Variants in PPM1L observed in about 807,000 individuals in gnomAD.
PPM1L encodes protein phosphatase, Mg2+/Mn2+ dependent 1L.
Under a neutral mutation model 31.4 loss-of-function variants are expected in PPM1L, and 13 were observed. The ratio of observed to expected loss-of-function variants is 0.41; its 90% CI spans 0.27 to 0.66. The LOEUF (loss-of-function observed/expected upper bound fraction) is 0.66, where lower values mean the gene tolerates loss of function less well. Among genes scored for constraint, PPM1L ranks in the 30% least tolerant of loss-of-function variants. The pLI, the probability that PPM1L is intolerant of heterozygous loss-of-function variation, is 0.29. For synonymous variants in PPM1L, 184 were observed against 175.4 expected (o/e 1.05, Z -0.39); for missense variants, 326 against 453.7 (o/e 0.72, Z 2.56).
intron 1 of PPM1L, among the ~76,000 whole-genome samples, chr3:160,898,378 G>A (rs1203728258): frequency 6.6e-6 from 1 of 152,180 alleles, no homozygotes. Flanking sequence ...CAGGTGGGGA[G>A]ACTCTCAGCG....
chr3:160,850,645 ACAT>A (rs1311571503), intron 1 of PPM1L, among the ~76,000 whole-genome samples: 1 of 152,110 alleles, frequency 6.6e-6, no homozygotes, highest in Non-Finnish European at 1.5e-5. Context: ...ACAAAAAGAA[ACAT>A]CATTTTGGAG....
chr3:160,982,544 A>G (rs1716834334), intron 2 of PPM1L, among the ~76,000 whole-genome samples: 1 of 152,206 alleles, frequency 6.6e-6, no homozygotes, highest in African/African-American at 2.4e-5. Flanking sequence ...TAATTTTTTA[A>G]ATGGATGAGT....
At chr3:160,977,211 G>A (rs1402696498) in intron 2 of PPM1L, among the ~76,000 whole-genome samples, 1 of 152,138 alleles carries the variant, frequency 6.6e-6, no homozygotes, top group Non-Finnish European at 1.5e-5. Flanking sequence ...GTGTGGCTTA[G>A]GCCATTTCTG....
At chr3:160,842,230 T>C (rs1174406489) in intron 1 of PPM1L, 1 of 701,682 alleles carries the variant, frequency 1.4e-6, no homozygotes, top group Middle Eastern at 2.4e-4. Context: ...TGGAAGAGGG[T>C]AGGAGGGATG....
At position 161,078,784 on chromosome 3, in the gene PPM1L, T is replaced by C. The variant is rs1446350649; in HGVS notation, c.*9627T>C. The C allele has an allele frequency of 6.6e-6, 1 of 152,216 alleles. No individual in the cohort carries two copies. Among genetic ancestry groups the C allele is most frequent in the African/African-American group, 2.4e-5 (1 of 41,448 alleles). The allele number at this position is 152,216 out of a possible 1,614,324, so 9.4% of individuals were successfully genotyped here. ...GGGTGCTCGGGTAGAATTAGCCTTG[T>C]AGAGACTAATGTGTTCATGCTATCT... On this transcript the variant is annotated 3_prime_UTR_variant, in exon 4 of 4. Transcript: ENST00000498165.
intron 1 of PPM1L, among the ~76,000 whole-genome samples, chr3:160,906,880 C>T (rs1192303192): frequency 1.3e-5 from 2 of 152,222 alleles, no homozygotes; most frequent in East Asian, 3.8e-4. Context: ...TTCCACAGAG[C>T]AGCTTACAAC....
chr3:160,836,973 C>T (rs1713736935), intron 1 of PPM1L, among the ~76,000 whole-genome samples: 1 of 152,184 alleles, frequency 6.6e-6, no homozygotes, highest in East Asian at 1.9e-4. Context: ...AATCAATTAT[C>T]TTGCCTTACA....
In PPM1L at chr3:160,965,017, C is replaced by G. The variant is rs1056914179; in HGVS notation, c.574+3107C>G. ...CTGTAATCCCAGCACTTTGGGAGGC[C>G]GAGGTGGGCGGATCATGAGGTCAGG... is the stretch of plus-strand genomic sequence containing the variant. On this transcript the variant is annotated intron_variant, in intron 2 of 3. Coordinates refer to ENST00000498165, the MANE Select transcript of PPM1L (RefSeq NM_139245.4). 8.6e-5 allele frequency among the ~76,000 whole-genome samples: 13 copies of G among 151,912 alleles called. No individual in the cohort carries two copies. The East Asian group carries it at 2.3e-3, about 27-fold the overall frequency.
chr3:160,866,967 G>A (rs1461106948), intron 1 of PPM1L, among the ~76,000 whole-genome samples: 1 of 152,084 alleles, frequency 6.6e-6, no homozygotes. Flanking sequence ...TCAGCCTCTT[G>A]AGTAGTTGGG....
intron 1 of PPM1L, among the ~76,000 whole-genome samples, chr3:160,830,981 G>A (rs1713509439): frequency 6.6e-6 from 1 of 152,138 alleles, no homozygotes; most frequent in Non-Finnish European, 1.5e-5. Flanking sequence ...TGTTGGGGAT[G>A]GAATTCAGCT....
At chr3:161,048,403 T>A (rs1719152199) in intron 2 of PPM1L, among the ~76,000 whole-genome samples, 1 of 152,182 alleles carries the variant, frequency 6.6e-6, no homozygotes, top group Non-Finnish European at 1.5e-5. Context: ...CCAGTTAGAA[T>A]GGCAATCATT....
intron 1 of PPM1L, among the ~76,000 whole-genome samples, chr3:160,781,145 A>G (rs568162344): frequency 1.1e-4 from 17 of 152,352 alleles, no homozygotes; most frequent in Non-Finnish European, 2.4e-4. Flanking sequence ...GTAGTACCCC[A>G]GAAGCCCCAC....
intron 2 of PPM1L, among the ~76,000 whole-genome samples, chr3:161,001,812 T>G (rs916056865): frequency 6.6e-6 from 1 of 152,118 alleles, no homozygotes; most frequent in Admixed American, 6.6e-5. Flanking sequence ...CTAAAGTGTT[T>G]ACATTTTAAG....
chr3:161,059,203 G>C (rs1268723431), intron 2 of PPM1L, among the ~76,000 whole-genome samples: 1 of 152,120 alleles, frequency 6.6e-6, no homozygotes, highest in Admixed American at 6.5e-5. Flanking sequence ...TGCTTCACAA[G>C]GTGCCATGGC....
chr3:160,829,984 C>T (rs541477626), intron 1 of PPM1L, among the ~76,000 whole-genome samples: 1 of 152,248 alleles, frequency 6.6e-6, no homozygotes, highest in South Asian at 2.1e-4. Context: ...CCATGGGAAA[C>T]AAAGTGGATT....
chr3:160,824,273 C>A (rs927737209), intron 1 of PPM1L, among the ~76,000 whole-genome samples: 2 of 152,098 alleles, frequency 1.3e-5, no homozygotes, highest in Non-Finnish European at 2.9e-5. Context: ...AGAGTCCTAA[C>A]CGAAACCTGA....
chr3:161,033,663 C>G (rs1275432320), intron 2 of PPM1L, among the ~76,000 whole-genome samples: 1 of 152,168 alleles, frequency 6.6e-6, no homozygotes, highest in Non-Finnish European at 1.5e-5. Flanking sequence ...AAATGCACCC[C>G]TTCCTTATAC....
intron 2 of PPM1L, among the ~76,000 whole-genome samples, chr3:161,032,985 G>A (rs1225388647): frequency 6.8e-6 from 1 of 147,514 alleles, no homozygotes; most frequent in Non-Finnish European, 1.5e-5. Context: ...ATGAGCCACC[G>A]CCCCTGGCCC....
chr3:160,768,510 T>C (rs943633568), intron 1 of PPM1L, among the ~76,000 whole-genome samples: 32 of 152,184 alleles, frequency 2.1e-4, no homozygotes, highest in Non-Finnish European at 5.9e-5. Flanking sequence ...TAACATTAAA[T>C]TTATGTGAGA....
Sources: gnomAD v4.1 joint callset for allele counts (sites outside exome capture counted in the v4.1 genomes callset) on GRCh38, gnomAD v4.1.1 for gene constraint, MANE v1.5 for transcripts, NCBI Gene and HGNC (gene_info 2026-07-23, HGNC 2026-07-21) for gene names.